GON7: variants seen among roughly 807,000 people sequenced by gnomAD.
The protein encoded by GON7 is GON7 subunit of KEOPS complex, also known as EKC/KEOPS complex subunit GON7.
In GON7, 2 loss-of-function variants were observed where a neutral mutation model predicts 7.6. The observed-to-expected ratio is 0.26, with a 90% CI of 0.11 to 0.83. The LOEUF (loss-of-function observed/expected upper bound fraction) is 0.83. Ranked by LOEUF, GON7 falls within the 40% of genes least tolerant of loss-of-function variation. The pLI, the probability that GON7 is intolerant of heterozygous loss-of-function variation, is 0.65. For missense variants in GON7, 121 were observed against 132.2 expected (o/e 0.92, Z 0.42); for synonymous variants, 54 against 56.6 (o/e 0.95, Z 0.20).
At position 93,206,183 on chromosome 14, in the gene GON7, G is replaced by A. The variant is rs137881343; in HGVS notation, c.208+647C>T. Among the ~76,000 whole-genome samples, 322 of 152,186 alleles carry A rather than the reference G, an allele frequency of 2.1e-3. 8 individuals are homozygous for A. Among genetic ancestry groups the A allele is most frequent in the East Asian group, 0.019 (99 of 5,178 alleles). The stretch of plus-strand genomic sequence containing the variant: ...ATGCCACCACGCCCAGCTAATTTTT[G>A]TATTTTTAGTAGAGACAGGGTTTCA... On this transcript the variant is annotated intron_variant, in intron 1 of 1. Coordinates refer to ENST00000306954, the MANE Select transcript of GON7 (RefSeq NM_032490.5).
chr14:93,206,198 A>G (rs1295691649), intron 1 of GON7, among the ~76,000 whole-genome samples: 2 of 152,124 alleles, frequency 1.3e-5, no homozygotes, highest in African/African-American at 2.4e-5. Context: ...TTTAGTAGAG[A>G]CAGGGTTTCA....
In GON7 at chr14:93,203,608, A is replaced by T; in HGVS notation, c.*80T>A. The T allele has an allele frequency of 8.3e-7, 1 of 1,208,156 alleles. No individual in the cohort carries two copies. The highest frequency in any genetic ancestry group is 1.2e-6 in the Non-Finnish European group (1 of 840,586). 74.8% of individuals were successfully genotyped at this position (1,208,156 alleles called of 1,614,324 possible). On this transcript the variant is annotated 3_prime_UTR_variant, in exon 2 of 2. Coordinates refer to ENST00000306954, the MANE Select transcript of GON7 (RefSeq NM_032490.5). Reference sequence around the variant, plus strand: ...ACAACACAAATGCTTTTTCCAAATTAGAGCATAAGTCTTCCTTAAATGTCC... The same window carrying T: ...ACAACACAAATGCTTTTTCCAAATTTGAGCATAAGTCTTCCTTAAATGTCC...
chr14:93,203,816 G>T, intron 1 of GON7, 34 bp from the exon 2 acceptor site: 1 of 1,530,550 alleles, frequency 6.5e-7, no homozygotes, highest in Non-Finnish European at 9.0e-7. Context: ...ATGACAATAC[G>T]TTCTATGGCT....
intron 1 of GON7, among the ~76,000 whole-genome samples, chr14:93,204,165 T>C (rs1024193461): frequency 2.6e-5 from 4 of 152,086 alleles, no homozygotes; most frequent in African/African-American, 9.7e-5. Flanking sequence ...CCGGCTAATT[T>C]TTTGCATTTT....
intron 1 of GON7, among the ~76,000 whole-genome samples, chr14:93,206,621 A>G (rs1443601987): frequency 2.0e-5 from 3 of 149,716 alleles, no homozygotes; most frequent in Non-Finnish European, 3.0e-5. Context: ...CCTGACCTCA[A>G]GTGATCCTCC....
intron 1 of GON7, 62 bp from the exon 2 acceptor site, chr14:93,203,844 C>A: frequency 7.7e-7 from 1 of 1,290,378 alleles, no homozygotes; most frequent in South Asian, 1.3e-5. Flanking sequence ...ATATATATAG[C>A]TAAAGTGGTT....
chr14:93,206,929 C>G lies in GON7; in HGVS notation c.109G>C (p.Val37Leu). The G allele has an allele frequency of 1.2e-6, 2 of 1,614,238 alleles. No homozygotes were observed. The highest frequency in any genetic ancestry group is 1.7e-6 in the Non-Finnish European group (2 of 1,180,044). ...GTTACCATGTCCTTCATCTGGGCCA[C>G]GCCAGACAACAGGCCCTGGAAAGGG... The part of the protein sequence containing the change: ...GDPFQGLLSG[V>L]AQMKDMVTEL... The change falls in exon 1 of 2, where the codon GTG becomes CTG. Residue 37 changes from valine to leucine, a missense_variant. Physicochemically the swap from Val to Leu is conservative, Grantham distance 32. Coordinates refer to ENST00000306954, the MANE Select transcript of GON7 (RefSeq NM_032490.5).
intron 1 of GON7, among the ~76,000 whole-genome samples, chr14:93,205,918 C>G (rs1051367044): frequency 6.6e-6 from 1 of 152,214 alleles, no homozygotes; most frequent in African/African-American, 2.4e-5. Flanking sequence ...TTATTCAACA[C>G]CCAGCTCAAA....
Position 93,203,719 on chromosome 14 carries a change from G to T in GON7, c.272C>A (p.Pro91Gln). 2 of 1,613,980 alleles carry T rather than the reference G, an allele frequency of 1.2e-6. No individual in the cohort carries two copies. The highest frequency in any genetic ancestry group is 1.7e-6 in the Non-Finnish European group (2 of 1,179,956). ...CGGTGTTTTTGGCCGTTTTGCAGAT[G>T]GTCCATCGAAGTTAGTTCTGTTATC... ...NIDNRTNFDG[P>Q]SAKRPKTPS is the part of the protein sequence containing the mutation. Residue 91 changes from proline to glutamine, a missense_variant, in exon 2 of 2, where the codon CCA becomes CAA. Pro to Gln is a moderately conservative substitution (Grantham distance 76, BLOSUM62 -1). Coordinates refer to ENST00000306954, the MANE Select transcript of GON7 (RefSeq NM_032490.5).
rs1445074672 is a variant in GON7, at chr14:93,203,000, T to C, written c.*688A>G. The C allele has an allele frequency of 6.6e-6, 1 of 152,168 alleles. No individual in the cohort carries two copies. The highest frequency in any genetic ancestry group is 6.5e-5 in the Admixed American group (1 of 15,274). 9.4% of individuals were successfully genotyped at this position (152,168 alleles called of 1,614,324 possible). A position where few individuals can be genotyped will look rare whatever the true frequency, so the allele number is the denominator to read the frequency against. On this transcript the variant is annotated 3_prime_UTR_variant, in exon 2 of 2. Transcript: ENST00000306954. ...ATATCCAAATTGTAATCAATGCAGA[T>C]TGTTTACTTAAGGCCTTATATTTGT...
At chr14:93,203,989 A>G (rs1894296124) in intron 1 of GON7, among the ~76,000 whole-genome samples, 1 of 152,106 alleles carries the variant, frequency 6.6e-6, no homozygotes, top group African/African-American at 2.4e-5. Context: ...CATTCACCAT[A>G]AAATCCACTC....
intron 1 of GON7, among the ~76,000 whole-genome samples, chr14:93,205,423 A>G (rs1241698071): frequency 6.6e-6 from 1 of 152,046 alleles, no homozygotes; most frequent in East Asian, 1.9e-4. Flanking sequence ...TAATCCCAGC[A>G]CTCTGGGAGG....
intron 1 of GON7, among the ~76,000 whole-genome samples, chr14:93,204,378 A>G (rs751992812): frequency 6.6e-6 from 1 of 152,236 alleles, no homozygotes; most frequent in Non-Finnish European, 1.5e-5. Context: ...GAACACTTTC[A>G]TCACTCCAAA....
chr14:93,206,800 C>T (rs752806530), intron 1 of GON7, 30 bp downstream of exon 1: 3 of 1,587,926 alleles, frequency 1.9e-6, no homozygotes, highest in Non-Finnish European at 2.6e-6. Flanking sequence ...CCCCGTCCTC[C>T]GGTCACTGCA....
At chr14:93,205,777 G>A (rs963854850) in intron 1 of GON7, among the ~76,000 whole-genome samples, 1 of 152,140 alleles carries the variant, frequency 6.6e-6, no homozygotes, top group African/African-American at 2.4e-5. Flanking sequence ...AACTGGAAAG[G>A]CAAGGGAGTC....
intron 1 of GON7, among the ~76,000 whole-genome samples, chr14:93,204,902 T>A (rs1426492519): frequency 6.6e-6 from 1 of 152,146 alleles, no homozygotes; most frequent in Admixed American, 6.6e-5. Context: ...AGTGGAGCAA[T>A]CAGCCCACTG....
chr14:93,203,656 C>A lies in GON7; in HGVS notation c.*32G>T, dbSNP rs748761288. ...TCCTAGTGTGACAATAAGGATACAA[C>A]AGCCATCTTTTAAATGTCATGAAGG... is the stretch of plus-strand genomic sequence containing the variant. On this transcript the variant is annotated 3_prime_UTR_variant, in exon 2 of 2. Transcript: ENST00000306954. The A allele has an allele frequency of 5.8e-6, 9 of 1,557,742 alleles. No homozygotes were observed. The highest frequency in any genetic ancestry group is 8.0e-6 in the Non-Finnish European group (9 of 1,128,996).
chr14:93,206,110 A>C (rs185658504), intron 1 of GON7, among the ~76,000 whole-genome samples: 16 of 152,054 alleles, frequency 1.1e-4, no homozygotes, highest in African/African-American at 3.6e-4. Flanking sequence ...GGTTCAAGCG[A>C]TTCTTCTGCC....
Position 93,202,911 on chromosome 14 carries a change from T to C in GON7, c.*777A>G, listed in dbSNP as rs1411706622. ...CACATACATATTTTAGGAATATATA[T>C]TTTTAAAAGGATTCAATAATCTTTT... On this transcript the variant is annotated 3_prime_UTR_variant, in exon 2 of 2. Coordinates refer to ENST00000306954, the MANE Select transcript of GON7 (RefSeq NM_032490.5). 6.6e-6 allele frequency: 1 copy of C among 152,240 alleles called. No homozygotes were observed. The highest frequency in any genetic ancestry group is 3.2e-3 in the Middle Eastern group (1 of 316). The allele number at this position is 152,240 out of a possible 1,614,324, so 9.4% of individuals were successfully genotyped here.
Sources: allele counts gnomAD v4.1 joint callset (sites outside exome capture counted in the v4.1 genomes callset), GRCh38; gene constraint gnomAD v4.1.1; transcripts MANE v1.5; gene names NCBI Gene and HGNC (gene_info 2026-07-23, HGNC 2026-07-21).